The following DLG2 variants were observed in gnomAD, a reference collection of about 807,000 sequenced individuals.
DLG2 encodes the protein disks large homolog 2.
In DLG2, 45 loss-of-function variants were observed where a neutral mutation model predicts 132.5. The ratio of observed to expected loss-of-function variants is 0.34; its 90% CI spans 0.27 to 0.44. DLG2 has a LOEUF of 0.44. Among genes scored for constraint, DLG2 ranks in the 20% least tolerant of loss-of-function variants. The probability of loss-of-function intolerance (pLI) is 1.00; values close to 1 mark genes in which losing one functional copy is unlikely to be tolerated. For missense variants in DLG2, 1,045 were observed against 1,196.9 expected (o/e 0.87, Z 1.87); for synonymous variants, 424 against 419.6 (o/e 1.01, Z -0.13).
chr11:83,504,908 C>T (rs1380341636), intron 21 of DLG2, among the ~76,000 whole-genome samples: 1 of 152,172 alleles, frequency 6.6e-6, no homozygotes, highest in African/African-American at 2.4e-5. Context: ...AGCTATTTCA[C>T]CATTCTATCA....
At chr11:84,650,757 T>C (rs981057759) in intron 6 of DLG2, among the ~76,000 whole-genome samples, 3 of 151,644 alleles carry the variant, frequency 2.0e-5, no homozygotes, top group Admixed American at 1.3e-4. Context: ...TATATACTGA[T>C]CACAGTATTT....
intron 15 of DLG2, among the ~76,000 whole-genome samples, chr11:83,893,123 C>G (rs1313698627): frequency 6.6e-6 from 1 of 152,132 alleles, no homozygotes; most frequent in Non-Finnish European, 1.5e-5. Context: ...AGAAATACAC[C>G]CTACCTCTTC....
At chr11:85,423,506 C>T (rs1319229169) in intron 3 of DLG2, among the ~76,000 whole-genome samples, 1 of 152,072 alleles carries the variant, frequency 6.6e-6, no homozygotes, top group East Asian at 1.9e-4. Context: ...AATATATGCC[C>T]TTTGTCTTCA....
chr11:85,488,032 G>C (rs1159584157), intron 3 of DLG2, among the ~76,000 whole-genome samples: 1 of 152,182 alleles, frequency 6.6e-6, no homozygotes, highest in Non-Finnish European at 1.5e-5. Flanking sequence ...CATGAGATCT[G>C]ATGGTTTTAT....
intron 6 of DLG2, among the ~76,000 whole-genome samples, chr11:84,805,731 C>G (rs750198632): frequency 6.6e-6 from 1 of 152,168 alleles, no homozygotes; most frequent in Non-Finnish European, 1.5e-5. Flanking sequence ...GAGGCCTCCT[C>G]AGAAGCCAAG....
intron 17 of DLG2, among the ~76,000 whole-genome samples, chr11:83,807,080 A>G (rs888555449): frequency 1.3e-5 from 2 of 152,184 alleles, no homozygotes; most frequent in Non-Finnish European, 2.9e-5. Context: ...TGGGAAAACT[A>G]GAAGCAGCAA....
intron 3 of DLG2, among the ~76,000 whole-genome samples, chr11:85,303,815 A>G (rs1223236190): frequency 3.3e-5 from 5 of 152,220 alleles, no homozygotes; most frequent in Admixed American, 6.5e-5. Context: ...TAATTGAACA[A>G]GAGGAAATCC....
At chr11:84,044,283 C>T (rs2096184742) in intron 11 of DLG2, among the ~76,000 whole-genome samples, 1 of 151,796 alleles carries the variant, frequency 6.6e-6, no homozygotes. Flanking sequence ...GATTAGATTA[C>T]AATAATACGC....
chr11:83,868,281 A>G (rs1254111199), intron 16 of DLG2, among the ~76,000 whole-genome samples: 4 of 152,162 alleles, frequency 2.6e-5, no homozygotes, highest in Non-Finnish European at 5.9e-5. Context: ...GGGACTCTCA[A>G]CCAAAGCTTT....
rs370072978 is a variant in DLG2 at position 84,958,781 on chromosome 11, A to G, written c.357+152880T>C. On this transcript the variant is annotated intron_variant, in intron 6 of 27. Coordinates refer to ENST00000376104, the MANE Select transcript of DLG2 (RefSeq NM_001142699.3). The stretch of plus-strand genomic sequence containing the variant: ...TTCAGTGGCCAATATTTAGGTCTCT[A>G]TAAAATAAAATATTCTTAACTACAG... Among the ~76,000 whole-genome samples the G allele has an allele frequency of 1.2e-4, 19 of 152,314 alleles. 1 individual carries two copies. The South Asian group carries it at 2.3e-3, about 18-fold the overall frequency.
chr11:84,061,009 C>G (rs1280071647), intron 10 of DLG2, among the ~76,000 whole-genome samples: 2 of 152,182 alleles, frequency 1.3e-5, no homozygotes, highest in African/African-American at 4.8e-5. Flanking sequence ...GGCCAGCGTA[C>G]AGTGAACATG....
At chr11:84,423,754 C>A (rs536526337) in intron 7 of DLG2, among the ~76,000 whole-genome samples, 1 of 152,078 alleles carries the variant, frequency 6.6e-6, no homozygotes, top group Non-Finnish European at 1.5e-5. Flanking sequence ...TTCAGAAAGA[C>A]ATGTTCTTTG....
At chr11:84,689,797 GCACACACACAGACA>G (rs1322124253) in intron 6 of DLG2, among the ~76,000 whole-genome samples, 5 of 151,204 alleles carry the variant, frequency 3.3e-5, no homozygotes, top group Non-Finnish European at 7.4e-5. Context: ...CTAAGTTAAC[GCACACACACAGACA>G]CACACACACA....
chr11:83,725,840 G>C (rs879856937), intron 18 of DLG2, among the ~76,000 whole-genome samples: 12 of 152,172 alleles, frequency 7.9e-5, no homozygotes, highest in Admixed American at 7.9e-4. Flanking sequence ...ATTAAGCGGA[G>C]CTCAGACATT....
chr11:84,230,089 G>A (rs866039848), intron 8 of DLG2, among the ~76,000 whole-genome samples: 1 of 152,150 alleles, frequency 6.6e-6, no homozygotes, highest in East Asian at 1.9e-4. Flanking sequence ...TCAAGCCAAT[G>A]AACTTAAAGA....
chr11:84,912,436 G>A (rs1227017483), intron 6 of DLG2, among the ~76,000 whole-genome samples: 3 of 152,216 alleles, frequency 2.0e-5, no homozygotes, highest in South Asian at 4.1e-4. Context: ...GATTACCGGC[G>A]TGAGCCACTG....
At chr11:84,990,537 T>C (rs1253358068) in intron 6 of DLG2, among the ~76,000 whole-genome samples, 1 of 152,026 alleles carries the variant, frequency 6.6e-6, no homozygotes, top group African/African-American at 2.4e-5. Flanking sequence ...GCTTCAAAAC[T>C]ACGAGAAATA....
chr11:85,176,991 C>T (rs1477090128), intron 4 of DLG2, among the ~76,000 whole-genome samples: 1 of 151,994 alleles, frequency 6.6e-6, no homozygotes, highest in East Asian at 1.9e-4. Flanking sequence ...AAAAGGGATA[C>T]TTTACACTGT....
intron 7 of DLG2, among the ~76,000 whole-genome samples, chr11:84,450,933 G>C (rs974557603): frequency 6.6e-6 from 1 of 151,506 alleles, no homozygotes; most frequent in African/African-American, 2.4e-5. Flanking sequence ...ATAACATAGG[G>C]AACAGAATGT....
Sources: gnomAD v4.1 joint callset for allele counts (sites outside exome capture counted in the v4.1 genomes callset) on GRCh38, gnomAD v4.1.1 for gene constraint, MANE v1.5 for transcripts, NCBI Gene and HGNC (gene_info 2026-07-23, HGNC 2026-07-21) for gene names.